Variants in SV2C observed in about 807,000 individuals in gnomAD.
SV2C encodes solute carrier family 22 member B3.
In SV2C, 49 loss-of-function variants were observed where a neutral mutation model predicts 79.7. That is an observed-to-expected ratio of 0.61 (90% CI 0.49 to 0.78). The LOEUF (loss-of-function observed/expected upper bound fraction) is 0.78. SV2C is among the 30% of genes least tolerant of loss of function. The pLI, the probability that SV2C is intolerant of heterozygous loss-of-function variation, is 0.00. For missense variants in SV2C, 833 were observed against 912.9 expected (o/e 0.91, Z 1.13); for synonymous variants, 334 against 333.2 (o/e 1.00, Z -0.03).
the SV2C span, among the ~76,000 whole-genome samples, chr5:75,975,659 G>A: frequency 6.6e-6 from 1 of 152,130 alleles, no homozygotes; most frequent in Non-Finnish European, 1.5e-5. Flanking sequence ...GGACATTCTG[G>A]TTTCTAGGCG....
At chr5:75,971,065 G>T in the SV2C span, among the ~76,000 whole-genome samples, 1 of 151,950 alleles carries the variant, frequency 6.6e-6, no homozygotes, top group Admixed American at 6.6e-5. Context: ...CAGAACCAAA[G>T]ACAAAAACCA....
At chr5:75,892,596 C>G in the SV2C span, among the ~76,000 whole-genome samples, 1 of 152,058 alleles carries the variant, frequency 6.6e-6, no homozygotes, top group Admixed American at 6.6e-5. Context: ...CTCATCTTCC[C>G]TCTGTAGTCC....
chr5:76,278,517 A>C (rs1343255862), intron 4 of SV2C, among the ~76,000 whole-genome samples: 6 of 152,256 alleles, frequency 3.9e-5, no homozygotes, highest in Admixed American at 3.9e-4. Context: ...CTAGGGGACA[A>C]CATTGAAAAC....
At chr5:76,111,657 T>C (rs1303264408) in intron 1 of SV2C, among the ~76,000 whole-genome samples, 1 of 152,190 alleles carries the variant, frequency 6.6e-6, no homozygotes, top group Non-Finnish European at 1.5e-5. Context: ...ATCAAGCTAA[T>C]TTGCCCCCCC....
At chr5:75,908,798 C>A in the SV2C span, among the ~76,000 whole-genome samples, 2 of 152,146 alleles carry the variant, frequency 1.3e-5, no homozygotes, top group Non-Finnish European at 2.9e-5. Context: ...TTGGCTCCAC[C>A]AGCCTCAAAC....
At chr5:76,039,135 A>G in the SV2C span, among the ~76,000 whole-genome samples, 1 of 152,236 alleles carries the variant, frequency 6.6e-6, no homozygotes, top group Non-Finnish European at 1.5e-5. Context: ...TGAGACCTCA[A>G]GTCTAATGAT....
Position 76,325,466 on chromosome 5 carries a change from C to G in SV2C, c.2103C>G (p.Ile701Met), listed in dbSNP as rs1157781082. 6.2e-7 allele frequency: 1 copy of G among 1,614,094 alleles called. No homozygotes were observed. The highest frequency in any genetic ancestry group is 8.5e-7 in the Non-Finnish European group (1 of 1,180,056). ...TCAGCATCACCAAATCAATCCCCAT[C>G]CTGCTGGCTTCTACTGTGCTCGTGT... is the stretch of plus-strand genomic sequence containing the variant. ...SLVSITKSIP[I>M]LLASTVLVCG... Residue 701 changes from isoleucine to methionine, a missense_variant, in exon 13 of 13, where the codon ATC becomes ATG. Transcript: ENST00000502798.
chr5:76,198,286 G>A (rs562079569), intron 3 of SV2C, among the ~76,000 whole-genome samples: 6 of 152,270 alleles, frequency 3.9e-5, no homozygotes, highest in Admixed American at 1.3e-4. Context: ...AGGTCTTGGA[G>A]GTGGATCTAT....
the SV2C span, among the ~76,000 whole-genome samples, chr5:76,005,416 A>C: frequency 0.46 from 70,072 of 152,010 alleles, 17,006 homozygotes; most frequent in Middle Eastern, 0.62. Context: ...AGAGTTGAGG[A>C]ATAATTGTCT....
chr5:76,132,370 C>A, intron 2 of SV2C, 40 bp downstream of exon 2: 2 of 1,546,900 alleles, frequency 1.3e-6, no homozygotes, highest in Non-Finnish European at 1.8e-6. Context: ...CTGAAACTGG[C>A]TTATTTGTTA....
chr5:76,014,377 T>G, the SV2C span, among the ~76,000 whole-genome samples: 2 of 151,914 alleles, frequency 1.3e-5, no homozygotes, highest in African/African-American at 4.8e-5. Context: ...CTGCAAAATT[T>G]CAAAACACTC....
At chr5:75,920,829 T>G in the SV2C span, 1 of 764,982 alleles carries the variant, frequency 1.3e-6, no homozygotes, top group Admixed American at 1.7e-5. Flanking sequence ...CTTCAGGCCC[T>G]GAATGGTCAG....
the SV2C span, among the ~76,000 whole-genome samples, chr5:75,929,135 C>T: frequency 6.6e-6 from 1 of 152,092 alleles, no homozygotes; most frequent in Admixed American, 6.5e-5. Flanking sequence ...CCTGGCCCAA[C>T]TAGATCCCAC....
the SV2C span, among the ~76,000 whole-genome samples, chr5:75,986,088 G>A: frequency 6.8e-6 from 1 of 147,170 alleles, no homozygotes; most frequent in Non-Finnish European, 1.5e-5. Context: ...AAAGTCGGTT[G>A]TGGTAGGCCA....
At chr5:75,892,452 G>T in the SV2C span, among the ~76,000 whole-genome samples, 4,446 of 151,508 alleles carry the variant, frequency 0.029, 234 homozygotes, top group African/African-American at 0.1. Context: ...TTTTAGTTTA[G>T]ATTTGGGAGC....
the SV2C span, among the ~76,000 whole-genome samples, chr5:75,851,873 C>T: frequency 6.6e-6 from 1 of 152,098 alleles, no homozygotes; most frequent in Non-Finnish European, 1.5e-5. Context: ...CCGTCTTAGC[C>T]AGGATGGTCT....
At chr5:76,000,662 AG>A in the SV2C span, among the ~76,000 whole-genome samples, 1 of 152,232 alleles carries the variant, frequency 6.6e-6, no homozygotes, top group African/African-American at 2.4e-5. Flanking sequence ...TGGTTACGTT[AG>A]GATTTAAACA....
chr5:75,997,268 T>C, the SV2C span, among the ~76,000 whole-genome samples: 1 of 152,104 alleles, frequency 6.6e-6, no homozygotes, highest in South Asian at 2.1e-4. Flanking sequence ...TTGGTTCTGA[T>C]GTAGGCATGG....
intron 2 of SV2C, among the ~76,000 whole-genome samples, chr5:76,185,488 T>C (rs1385528880): frequency 6.6e-6 from 1 of 152,250 alleles, no homozygotes; most frequent in Non-Finnish European, 1.5e-5. Context: ...TCCAGGAGTT[T>C]CCATACATCC....
Sources: allele counts gnomAD v4.1 joint callset (sites outside exome capture counted in the v4.1 genomes callset), GRCh38; gene constraint gnomAD v4.1.1; transcripts MANE v1.5; gene names NCBI Gene and HGNC (gene_info 2026-07-23, HGNC 2026-07-21).